The following CREB3L2 variants were observed in gnomAD, a reference collection of about 807,000 sequenced individuals.
The protein encoded by CREB3L2 is cAMP responsive element binding protein 3 like 2.
A neutral mutation model predicts 57.2 loss-of-function variants in CREB3L2; 23 were observed. The ratio of observed to expected loss-of-function variants is 0.40; its 90% CI spans 0.29 to 0.57. The LOEUF is 0.57. Among genes scored for constraint, CREB3L2 ranks in the 20% least tolerant of loss-of-function variants. The pLI is 0.42. For missense variants in CREB3L2, 628 were observed against 634.7 expected, an observed-to-expected ratio of 0.99 and a Z score of 0.11; for synonymous variants, 268 against 265.1, an observed-to-expected ratio of 1.01 and a Z score of -0.11.
Position 137,928,363 on chromosome 7 carries a change from A to G in CREB3L2, c.106T>C (p.Phe36Leu). Reference sequence around the variant, plus strand: ...GAAAACTCATCCAGAAGTTCTGAGAAGTGCTACAAGAAACAAAGGAGGAAG... The same window carrying G: ...GAAAACTCATCCAGAAGTTCTGAGAGGTGCTACAAGAAACAAAGGAGGAAG... Reference protein sequence around the residue: ...DGEALMYHTHFSELLDEFSQN... With the variant: ...DGEALMYHTHLSELLDEFSQN... Residue 36 changes from phenylalanine (F) to leucine (L), a missense_variant, in exon 2 of 12, where the codon TTC (phenylalanine) becomes CTC (leucine). By Grantham distance (22) the Phe-to-Leu change is conservative. Transcript: ENST00000330387. The G allele has an allele frequency of 6.2e-7, 1 of 1,613,448 alleles. No homozygotes were observed. The highest frequency in any genetic ancestry group is 2.2e-5 in the East Asian group (1 of 44,872).
At position 137,880,037 on chromosome 7, in the gene CREB3L2, C is replaced by T. The variant is rs1013430377; in HGVS notation, c.*439G>A. On this transcript the variant is annotated 3_prime_UTR_variant, in exon 12 of 12. Coordinates refer to ENST00000330387, the MANE Select transcript of CREB3L2 (RefSeq NM_194071.4). The surrounding 1 kb of genome is among the most constrained non-coding windows in gnomAD (Gnocchi z 4.0). Reference sequence around the variant, plus strand: ...ACCCCAGTGCGAGCAACGGAGGACACGGGTCAGTGCTTTGCCAAATACCAA... The same window carrying T: ...ACCCCAGTGCGAGCAACGGAGGACATGGGTCAGTGCTTTGCCAAATACCAA... The T allele has an allele frequency of 1.2e-5, 3 of 258,834 alleles. No individual in the cohort carries two copies. The highest frequency in any genetic ancestry group is 2.4e-4 in the South Asian group (2 of 8,408). The allele number at this position is 258,834 out of a possible 1,614,324, so 16.0% of individuals were successfully genotyped here.
chr7:137,962,123 C>T (rs1200848630), intron 1 of CREB3L2, among the ~76,000 whole-genome samples: 5 of 152,162 alleles, frequency 3.3e-5, no homozygotes, highest in Admixed American at 2.0e-4. Flanking sequence ...TGAATGTTCA[C>T]GTTGAAATGG....
In CREB3L2 at chr7:137,878,522, G is replaced by A. The variant is rs1341485252; in HGVS notation, c.*1954C>T. ...AACAGGATCTGGGCTGCAGACAGTG[G>A]AGCAGAGAGAAGCAGAAGCAGAACC... On this transcript the variant is annotated 3_prime_UTR_variant, in exon 12 of 12. Transcript: ENST00000330387. 4.3e-6 allele frequency: 1 copy of A among 233,446 alleles called. No individual in the cohort carries two copies. The highest frequency in any genetic ancestry group is 1.8e-4 in the South Asian group (1 of 5,534). The allele number at this position is 233,446 out of a possible 1,614,324, so 14.5% of individuals were successfully genotyped here. A position where few individuals can be genotyped will look rare whatever the true frequency, so the allele number is the denominator to read the frequency against.
rs780077410 is a variant in CREB3L2 at position 137,882,548 on chromosome 7, C to A, written c.1351G>T (p.Gly451Trp). 3.7e-6 allele frequency: 6 copies of A among 1,613,834 alleles called. No homozygotes were observed. Among genetic ancestry groups the A allele is most frequent in the South Asian group, 3.3e-5 (3 of 91,064 alleles). Residue 451 changes from glycine (G) to tryptophan (W), a missense_variant, in exon 11 of 12, where the codon GGG (glycine) becomes TGG (tryptophan). Coordinates refer to ENST00000330387, the MANE Select transcript of CREB3L2 (RefSeq NM_194071.4). The stretch of plus-strand genomic sequence containing the variant: ...AGGGAGGAACCTCTATCCCAGCCCC[C>A]CAGCTCCCCAGCCGAGCCCGGGCTG... ...SSSPGSAGELGGWDRGSSLLR... is the reference protein window; with the variant it reads ...SSSPGSAGELWGWDRGSSLLR...
intron 1 of CREB3L2, among the ~76,000 whole-genome samples, chr7:137,965,263 T>C (rs569671128): frequency 1.3e-5 from 2 of 152,336 alleles, no homozygotes; most frequent in South Asian, 4.1e-4. Flanking sequence ...GATTTTTCTA[T>C]AAACAGAAAT....
intron 8 of CREB3L2, among the ~76,000 whole-genome samples, chr7:137,899,560 C>CA (rs1180664066): frequency 0.13 from 26 of 196 alleles, no homozygotes; most frequent in East Asian, 0.5. Flanking sequence ...GCAATCCCCC[C>CA]AGGGAGAGGA....
At chr7:137,915,029 A>G (rs1585620356) in intron 3 of CREB3L2, among the ~76,000 whole-genome samples, 2 of 152,280 alleles carry the variant, frequency 1.3e-5, no homozygotes, top group South Asian at 2.1e-4. Context: ...GCCCGGCTGC[A>G]GATAGACATT....
chr7:137,884,730 T>C, intron 10 of CREB3L2: 1 of 603,320 alleles, frequency 1.7e-6, no homozygotes, highest in Non-Finnish European at 2.9e-6. Context: ...AAAAATTAGA[T>C]GTCAGAATGG....
intron 8 of CREB3L2, among the ~76,000 whole-genome samples, chr7:137,899,385 G>A (rs902111102): frequency 3.3e-5 from 5 of 152,196 alleles, no homozygotes; most frequent in Non-Finnish European, 7.3e-5. Flanking sequence ...TCCCCTTTTC[G>A]CCAATTCTTG....
chr7:137,962,620 G>A (rs999204924), intron 1 of CREB3L2, among the ~76,000 whole-genome samples: 4 of 151,986 alleles, frequency 2.6e-5, no homozygotes. Flanking sequence ...ACCACCCTGT[G>A]TAAGCCAGTC....
chr7:137,986,741 C>T (rs10954592), intron 1 of CREB3L2, among the ~76,000 whole-genome samples: 117,717 of 152,164 alleles, frequency 0.77, 48,811 homozygotes, highest in South Asian at 0.94. Flanking sequence ...CCATCCCACC[C>T]TCATTTCAGT....
chr7:137,929,844 G>T (rs558737055), intron 1 of CREB3L2, among the ~76,000 whole-genome samples: 4 of 149,310 alleles, frequency 2.7e-5, no homozygotes, highest in African/African-American at 9.8e-5. Flanking sequence ...ACTCCAGCCC[G>T]GGCAACAGTG....
At position 137,876,577 on chromosome 7, in the gene CREB3L2, C is replaced by T. The variant is rs2117163706; in HGVS notation, c.*3899G>A. ...GTCTTGTCTCTGGATCCTTCACAGC[C>T]CTCACGTCACCACCACCTACTCTCT... On this transcript the variant is annotated 3_prime_UTR_variant, in exon 12 of 12. Coordinates refer to ENST00000330387, the MANE Select transcript of CREB3L2 (RefSeq NM_194071.4). The T allele has an allele frequency of 4.3e-6, 1 of 233,076 alleles. No homozygotes were observed. Among genetic ancestry groups the T allele is most frequent in the Middle Eastern group, 1.3e-3 (1 of 786 alleles). 14.4% of individuals were successfully genotyped at this position (233,076 alleles called of 1,614,324 possible).
At chr7:137,928,428 C>G in intron 1 of CREB3L2, 62 bp from the exon 2 acceptor site, 2 of 1,291,746 alleles carry the variant, frequency 1.5e-6, no homozygotes, top group Non-Finnish European at 2.2e-6. Flanking sequence ...AGATACCCTA[C>G]GCACATACCA....
intron 1 of CREB3L2, among the ~76,000 whole-genome samples, chr7:137,956,804 G>A (rs1301122991): frequency 2.0e-5 from 3 of 152,174 alleles, no homozygotes; most frequent in Admixed American, 6.5e-5. Context: ...CATTCAGACA[G>A]GTGAAACAAC....
In CREB3L2 at chr7:137,877,181, G is replaced by GAA; in HGVS notation, c.*3293_*3294dup. ...CAAGCTGAACCAAGAGATTTAGGAA[G>GAA]AAAAAAAAAAACATGGTAATTATAA... is the stretch of plus-strand genomic sequence containing the variant. On this transcript the variant is annotated 3_prime_UTR_variant, in exon 12 of 12. Transcript: ENST00000330387. 41 of 202,014 alleles carry GAA rather than the reference G, an allele frequency of 2.0e-4. No individual in the cohort carries two copies. The highest frequency in any genetic ancestry group is 3.8e-4 in the East Asian group (5 of 13,054). The allele number at this position is 202,014 out of a possible 1,614,324, so 12.5% of individuals were successfully genotyped here. A position where few individuals can be genotyped will look rare whatever the true frequency, so the allele number is the denominator to read the frequency against.
At position 137,946,832 on chromosome 7, in the gene CREB3L2, A is replaced by ATATATAGTTATCTATATAGTTATC. The variant is rs1368316429; in HGVS notation, c.103-18490_103-18467dup. 1.9e-4 allele frequency among the ~76,000 whole-genome samples: 10 copies of ATATATAGTTATCTATATAGTTATC among 52,782 alleles called. 3 individuals carry two copies. Among genetic ancestry groups the ATATATAGTTATCTATATAGTTATC allele is most frequent in the Non-Finnish European group, 2.7e-4 (9 of 33,244 alleles). The allele number at this position is 52,782 out of a possible 152,430, so 34.6% of individuals were successfully genotyped here. On this transcript the variant is annotated intron_variant, in intron 1 of 11. Coordinates refer to ENST00000330387, the MANE Select transcript of CREB3L2 (RefSeq NM_194071.4). ...TATATAGTTATCTATATAGTTATCT[A>ATATATAGTTATCTATATAGTTATC]TATATAGTTATCTATATAGTTATCT...
intron 1 of CREB3L2, among the ~76,000 whole-genome samples, chr7:137,996,129 C>A (rs983415191): frequency 6.6e-6 from 1 of 152,214 alleles, no homozygotes; most frequent in Non-Finnish European, 1.5e-5. Flanking sequence ...CTGGCTATCG[C>A]CCTAGGTTCT....
intron 2 of CREB3L2, among the ~76,000 whole-genome samples, chr7:137,917,307 A>C (rs1320210427): frequency 6.6e-6 from 1 of 152,124 alleles, no homozygotes; most frequent in African/African-American, 2.4e-5. Context: ...AGCGCTCAGC[A>C]CTGCCTGGAA....
Sources: gnomAD v4.1 joint callset for allele counts (sites outside exome capture counted in the v4.1 genomes callset) on GRCh38, gnomAD v4.1.1 for gene constraint, Gnocchi (gnomAD v3.1) non-coding constraint, MANE v1.5 for transcripts, NCBI Gene and HGNC (gene_info 2026-07-23, HGNC 2026-07-21) for gene names.